KLHL29: variants seen among roughly 807,000 people sequenced by gnomAD.
KLHL29 encodes the protein kelch like family member 29.
KLHL29 carries 21 observed loss-of-function variants against 80.4 expected under a neutral mutation model. That is an observed-to-expected ratio of 0.26 (90% CI 0.19 to 0.38). The LOEUF (loss-of-function observed/expected upper bound fraction) is 0.38, where lower values mean the gene tolerates loss of function less well. Ranked by LOEUF, KLHL29 falls within the 10% of genes least tolerant of loss-of-function variation. KLHL29 has a pLI of 1.00. For missense variants in KLHL29, 867 were observed against 1,223.9 expected, an observed-to-expected ratio of 0.71 and a Z score of 4.35; for synonymous variants, 511 against 526.8, an observed-to-expected ratio of 0.97 and a Z score of 0.41.
chr2:23,632,916 C>T (rs1232148702), intron 3 of KLHL29, among the ~76,000 whole-genome samples: 1 of 152,210 alleles, frequency 6.6e-6, no homozygotes, highest in African/African-American at 2.4e-5. Context: ...AGGTCACATG[C>T]CATGCCCTAG....
chr2:23,600,738 C>T (rs1385906526), intron 3 of KLHL29, among the ~76,000 whole-genome samples: 1 of 152,144 alleles, frequency 6.6e-6, no homozygotes, highest in Non-Finnish European at 1.5e-5. Context: ...AGGAGTGGGA[C>T]CCATCAGGTT....
chr2:23,445,311 A>G (rs1226837289), intron 1 of KLHL29, among the ~76,000 whole-genome samples: 2 of 152,232 alleles, frequency 1.3e-5, no homozygotes, highest in African/African-American at 4.8e-5. Flanking sequence ...TTGTAAAAGA[A>G]AAGATTTCAT....
At chr2:23,506,744 C>G (rs1380896950) in intron 2 of KLHL29, among the ~76,000 whole-genome samples, 1 of 152,216 alleles carries the variant, frequency 6.6e-6, no homozygotes, top group East Asian at 1.9e-4. Flanking sequence ...GAACCACCGG[C>G]TCTTCCTTTC....
chr2:23,583,069 G>T (rs985792353), intron 3 of KLHL29, among the ~76,000 whole-genome samples: 1 of 152,164 alleles, frequency 6.6e-6, no homozygotes, highest in African/African-American at 2.4e-5. Context: ...AGGAATGCCT[G>T]GAGCCACCAG....
In KLHL29 at chr2:23,586,321, AAG is replaced by A. The variant is rs551530217; in HGVS notation, c.285+23843_285+23844del. Reference sequence around the variant, plus strand: ...CCCAAAAGGAATCCCCATACCCATTAAGAGCAGCCTCCCCCCCATTCCTTCTA... The same window carrying A: ...CCCAAAAGGAATCCCCATACCCATTAAGCAGCCTCCCCCCCATTCCTTCTA... On this transcript the variant is annotated intron_variant, in intron 3 of 13. Transcript: ENST00000486442. Among the ~76,000 whole-genome samples, 206 of 151,432 alleles carry A rather than the reference AAG, an allele frequency of 1.4e-3. 1 individual carries two copies. The highest frequency in any genetic ancestry group is 4.7e-3 in the African/African-American group (192 of 41,178).
intron 5 of KLHL29, among the ~76,000 whole-genome samples, chr2:23,659,489 A>G (rs564970553): frequency 3.9e-4 from 60 of 152,094 alleles, no homozygotes; most frequent in Non-Finnish European, 7.8e-4. Flanking sequence ...CCTCAACCTC[A>G]TCTTCACTTC....
rs1296802288 is a variant in KLHL29, at chr2:23,696,173, G to T, written c.1924+40G>T. Reference sequence around the variant, plus strand: ...GGTTGGGGCGGGACCAGGCATGGGGGTCCCAAGGGGACTGCTCCCCACGTC... The same window carrying T: ...GGTTGGGGCGGGACCAGGCATGGGGTTCCCAAGGGGACTGCTCCCCACGTC... On this transcript the variant is annotated intron_variant, in intron 10 of 13. Transcript: ENST00000486442. The surrounding 1 kb of genome is among the most constrained non-coding windows in gnomAD (Gnocchi z 5.5). The T allele has an allele frequency of 3.3e-6, 5 of 1,535,056 alleles. No homozygotes were observed. The highest frequency in any genetic ancestry group is 2.5e-5 in the East Asian group (1 of 40,812).
Position 23,455,409 on chromosome 2 carries a change from T to C in KLHL29, c.-153-20151T>C, listed in dbSNP as rs185175363. ...GGTTGGTTTATCATTACTGTTGTTATCAACATTGGTTTGGTCTGTTGTTAG... is the reference window on the plus strand; with the variant it reads ...GGTTGGTTTATCATTACTGTTGTTACCAACATTGGTTTGGTCTGTTGTTAG... On this transcript the variant is annotated intron_variant, in intron 1 of 13. Coordinates refer to ENST00000486442, the MANE Select transcript of KLHL29 (RefSeq NM_052920.2). Among the ~76,000 whole-genome samples, 24 of 152,370 alleles carry C rather than the reference T, an allele frequency of 1.6e-4. No individual in the cohort carries two copies. In the East Asian group the frequency reaches 3.3e-3, roughly 21 times the overall value.
intron 1 of KLHL29, among the ~76,000 whole-genome samples, chr2:23,470,027 A>AG (rs572180857): frequency 3.9e-5 from 6 of 151,990 alleles, no homozygotes; most frequent in Non-Finnish European, 7.4e-5. Flanking sequence ...AAAAAAAAAA[A>AG]AGATTTTAAG....
chr2:23,626,862 G>C (rs534558005), intron 3 of KLHL29, among the ~76,000 whole-genome samples: 11 of 152,196 alleles, frequency 7.2e-5, no homozygotes, highest in Non-Finnish European at 1.6e-4. Context: ...GGCAGTCTGG[G>C]TTCCTGCTGA....
At chr2:23,618,307 G>A (rs948877180) in intron 3 of KLHL29, among the ~76,000 whole-genome samples, 1 of 152,182 alleles carries the variant, frequency 6.6e-6, no homozygotes, top group Non-Finnish European at 1.5e-5. Flanking sequence ...CAGGCCACAA[G>A]GTGCCCAGGT....
At chr2:23,458,041 C>T (rs762846241) in intron 1 of KLHL29, among the ~76,000 whole-genome samples, 5 of 152,028 alleles carry the variant, frequency 3.3e-5, no homozygotes, top group East Asian at 1.9e-4. Flanking sequence ...AAAAATAAAA[C>T]GTAAGGATGC....
chr2:23,443,517 G>C lies in KLHL29; in HGVS notation c.-153-32043G>C, dbSNP rs191440466. 2.6e-5 allele frequency among the ~76,000 whole-genome samples: 4 copies of C among 152,228 alleles called. No homozygotes were observed. In the East Asian group the frequency reaches 7.7e-4, roughly 29 times the overall value. On this transcript the variant is annotated intron_variant, in intron 1 of 13. Transcript: ENST00000486442. Reference sequence around the variant, plus strand: ...TTTTTTCCCTTTCATAGCATTGACTGTTGGAAGAGACCAGGCCAGTTATCT... The same window carrying C: ...TTTTTTCCCTTTCATAGCATTGACTCTTGGAAGAGACCAGGCCAGTTATCT...
chr2:23,623,170 T>C (rs1339520468), intron 3 of KLHL29, among the ~76,000 whole-genome samples: 1 of 152,122 alleles, frequency 6.6e-6, no homozygotes. Context: ...TGAGGTGGCC[T>C]GGGATGTGCT....
At chr2:23,586,819 A>T (rs1668131775) in intron 3 of KLHL29, among the ~76,000 whole-genome samples, 1 of 151,818 alleles carries the variant, frequency 6.6e-6, no homozygotes, top group African/African-American at 2.4e-5. Flanking sequence ...CACACGCCGC[A>T]TTGTAGTTAG....
At chr2:23,481,988 C>T (rs906007218) in intron 2 of KLHL29, among the ~76,000 whole-genome samples, 1 of 152,070 alleles carries the variant, frequency 6.6e-6, no homozygotes, top group South Asian at 2.1e-4. Context: ...AGATGGCTAA[C>T]GATGGTCACC....
At chr2:23,472,876 C>G (rs753262387) in intron 1 of KLHL29, among the ~76,000 whole-genome samples, 5 of 152,190 alleles carry the variant, frequency 3.3e-5, no homozygotes, top group Non-Finnish European at 7.3e-5. Flanking sequence ...TTTTAACCCT[C>G]TCTGTGAATG....
intron 1 of KLHL29, among the ~76,000 whole-genome samples, chr2:23,420,526 C>T (rs1189929398): frequency 6.6e-6 from 1 of 152,214 alleles, no homozygotes; most frequent in African/African-American, 2.4e-5. Flanking sequence ...GCGACTGCTG[C>T]CCTCTGAGCA....
intron 2 of KLHL29, among the ~76,000 whole-genome samples, chr2:23,555,145 C>G (rs1383495688): frequency 6.6e-6 from 1 of 151,898 alleles, no homozygotes; most frequent in African/African-American, 2.4e-5. Context: ...ACTTGTGTCT[C>G]CCAGTGTCCC....
Sources: allele counts gnomAD v4.1 joint callset (sites outside exome capture counted in the v4.1 genomes callset), GRCh38; gene constraint gnomAD v4.1.1; non-coding constraint Gnocchi (gnomAD v3.1); transcripts MANE v1.5; gene names NCBI Gene and HGNC (gene_info 2026-07-23, HGNC 2026-07-21).